The following SGPP2 variants were observed in gnomAD, a reference collection of about 807,000 sequenced individuals.
SGPP2 encodes sphingosine-1-phosphate phosphatase 2.
SGPP2 carries 30 observed loss-of-function variants against 33.9 expected under a neutral mutation model. That is an observed-to-expected ratio of 0.89 (90% confidence interval 0.66 to 1.20). SGPP2 has a LOEUF of 1.20. Among genes scored for constraint, SGPP2 ranks in the 50% most tolerant of loss-of-function variants. SGPP2 has a pLI of 0.00. For missense variants in SGPP2, 458 were observed against 532.1 expected (o/e 0.86, Z 1.37); for synonymous variants, 233 against 225.0 (o/e 1.04, Z -0.32).
intron 2 of SGPP2, among the ~76,000 whole-genome samples, chr2:222,490,106 G>A (rs1698173902): frequency 1.3e-5 from 2 of 152,152 alleles, no homozygotes; most frequent in Non-Finnish European, 1.5e-5. Flanking sequence ...TAGCCCTTGT[G>A]GATGTTAATT....
intron 2 of SGPP2, among the ~76,000 whole-genome samples, chr2:222,510,303 A>G (rs533282578): frequency 6.6e-6 from 1 of 152,290 alleles, no homozygotes; most frequent in African/African-American, 2.4e-5. Context: ...GTAAGCTGAG[A>G]AAAAAAGGGA....
At chr2:222,512,067 T>G (rs1245423315) in intron 2 of SGPP2, among the ~76,000 whole-genome samples, 3 of 151,820 alleles carry the variant, frequency 2.0e-5, no homozygotes, top group Non-Finnish European at 4.4e-5. Context: ...CAGGCTGGAG[T>G]GCAGTGGTGT....
intron 1 of SGPP2, among the ~76,000 whole-genome samples, chr2:222,461,310 A>C (rs1199730865): frequency 6.6e-6 from 1 of 152,102 alleles, no homozygotes; most frequent in African/African-American, 2.4e-5. Flanking sequence ...ACTTCCCCAG[A>C]GTTACCTAGC....
chr2:222,456,523 C>T (rs1697576836), intron 1 of SGPP2, among the ~76,000 whole-genome samples: 1 of 152,234 alleles, frequency 6.6e-6, no homozygotes, highest in Non-Finnish European at 1.5e-5. Context: ...TTTTCCCCGT[C>T]TCTCCTACCT....
At chr2:222,535,802 T>C (rs961036409) in intron 4 of SGPP2, among the ~76,000 whole-genome samples, 16 of 152,210 alleles carry the variant, frequency 1.1e-4, no homozygotes, top group African/African-American at 3.1e-4. Flanking sequence ...CTGAGGCTAG[T>C]GGCCAGGCAG....
chr2:222,538,088 T>G (rs1698940010), intron 4 of SGPP2, among the ~76,000 whole-genome samples: 1 of 152,192 alleles, frequency 6.6e-6, no homozygotes, highest in African/African-American at 2.4e-5. Flanking sequence ...TAAATACTGT[T>G]TAATTTCTGT....
intron 1 of SGPP2, among the ~76,000 whole-genome samples, chr2:222,472,602 A>G (rs1697861950): frequency 1.3e-5 from 2 of 152,246 alleles, no homozygotes; most frequent in Admixed American, 1.3e-4. Flanking sequence ...GCTGGGGGAC[A>G]GTGGCTGGTT....
chr2:222,486,960 C>T (rs1200609518), intron 2 of SGPP2, among the ~76,000 whole-genome samples: 1 of 151,650 alleles, frequency 6.6e-6, no homozygotes, highest in Non-Finnish European at 1.5e-5. Flanking sequence ...TTAAATCCTA[C>T]TGTTTGATTT....
intron 1 of SGPP2, among the ~76,000 whole-genome samples, chr2:222,471,514 G>A (rs73991405): frequency 0.011 from 1,650 of 151,958 alleles, 32 homozygotes; most frequent in African/African-American, 0.038. Context: ...CCCAAATTGT[G>A]CTCTTCCCCC....
In SGPP2 at chr2:222,498,037, C is replaced by A. The variant is rs1574862186; in HGVS notation, c.378+23311C>A. 2.0e-5 allele frequency among the ~76,000 whole-genome samples: 3 copies of A among 152,126 alleles called. No homozygotes were observed. The South Asian group carries it at 6.2e-4, about 32-fold the overall frequency. On this transcript the variant is annotated intron_variant, in intron 2 of 4. Transcript: ENST00000321276. ...CAGCAGTGGTAGAAATGACTTTCTT[C>A]TAGAAGCTTCCAGGAGACCACAGGC...
Position 222,550,953 on chromosome 2 carries a change from T to A in SGPP2, c.649-7394T>A. On this transcript the variant is annotated intron_variant, in intron 4 of 4. Transcript: ENST00000321276. This position sits in a 1 kb window ranked among gnomAD's most constrained non-coding sequence, Gnocchi z 4.5. The stretch of plus-strand genomic sequence containing the variant: ...AATTCCTAGGAGTGGAATCACTGGG[T>A]CTAGGTGTTTGAATATGCTGTATAT... Among the ~76,000 whole-genome samples the A allele has an allele frequency of 6.6e-6, 1 of 152,180 alleles. No individual in the cohort carries two copies. The highest frequency in any genetic ancestry group is 1.5e-5 in the Non-Finnish European group (1 of 68,030).
chr2:222,509,553 C>G (rs1043751855), intron 2 of SGPP2, among the ~76,000 whole-genome samples: 1 of 152,160 alleles, frequency 6.6e-6, no homozygotes, highest in African/African-American at 2.4e-5. Flanking sequence ...TATGTACTCA[C>G]TTCAGTGCCC....
intron 2 of SGPP2, among the ~76,000 whole-genome samples, chr2:222,494,619 A>T (rs6717297): frequency 0.67 from 101,558 of 152,134 alleles, 34,717 homozygotes; most frequent in East Asian, 0.99. Context: ...GTTCCATGAC[A>T]GTCACCAAGT....
intron 2 of SGPP2, among the ~76,000 whole-genome samples, chr2:222,514,248 A>T (rs903067857): frequency 2.0e-5 from 3 of 152,258 alleles, no homozygotes; most frequent in Admixed American, 6.5e-5. Context: ...TGTGCCAATG[A>T]TGGTAGCTGG....
chr2:222,496,033 C>T (rs1485639733), intron 2 of SGPP2, among the ~76,000 whole-genome samples: 1 of 152,202 alleles, frequency 6.6e-6, no homozygotes, highest in Non-Finnish European at 1.5e-5. Context: ...ACATTCAAGA[C>T]ACTTGCAGAC....
At chr2:222,546,468 T>G (rs557759115) in intron 4 of SGPP2, among the ~76,000 whole-genome samples, 1 of 152,308 alleles carries the variant, frequency 6.6e-6, no homozygotes, top group South Asian at 2.1e-4. Context: ...ATGGCCATAT[T>G]TGACTTCACT....
chr2:222,541,080 GT>G (rs1698989536), intron 4 of SGPP2, among the ~76,000 whole-genome samples: 1 of 152,156 alleles, frequency 6.6e-6, no homozygotes, highest in Admixed American at 6.5e-5. Flanking sequence ...GCCTTCCAAA[GT>G]GCTGGGATTA....
Position 222,553,001 on chromosome 2 carries a change from G to A in SGPP2, c.649-5346G>A, listed in dbSNP as rs79331282. On this transcript the variant is annotated intron_variant, in intron 4 of 4. Transcript: ENST00000321276. ...ATTCCTGTAACTCAATGTCTGCTAC[G>A]TGTTAGGCACTAGGCTAGGAGCTTT... is the stretch of plus-strand genomic sequence containing the variant. Among the ~76,000 whole-genome samples, 11 of 152,316 alleles carry A rather than the reference G, an allele frequency of 7.2e-5. No homozygotes were observed. The East Asian group carries it at 1.7e-3, about 24-fold the overall frequency.
chr2:222,518,006 C>A (rs79164607), intron 2 of SGPP2, among the ~76,000 whole-genome samples: 2 of 152,208 alleles, frequency 1.3e-5, no homozygotes, highest in Admixed American at 1.3e-4. Context: ...TATTGTGTCA[C>A]CATTTTCCCT....
Sources: allele counts gnomAD v4.1 joint callset (sites outside exome capture counted in the v4.1 genomes callset), GRCh38; gene constraint gnomAD v4.1.1; non-coding constraint Gnocchi (gnomAD v3.1); transcripts MANE v1.5; gene names NCBI Gene and HGNC (gene_info 2026-07-23, HGNC 2026-07-21).